NDUFAF6: variants seen among roughly 807,000 people sequenced by gnomAD.
NDUFAF6 encodes the protein NADH:ubiquinone oxidoreductase complex assembly factor 6, also known as NADH dehydrogenase (ubiquinone) complex I, assembly factor 6.
Under a neutral mutation model 40.8 loss-of-function variants are expected in NDUFAF6, and 45 were observed. The observed-to-expected ratio is 1.10, with a 90% CI of 0.87 to 1.42. The LOEUF is 1.42. Among genes scored for constraint, NDUFAF6 ranks in the 40% most tolerant of loss-of-function variants. The pLI is 0.00. For synonymous variants in NDUFAF6, 185 were observed against 155.9 expected, an observed-to-expected ratio of 1.19 and a Z score of -1.39; for missense variants, 435 against 418.5, an observed-to-expected ratio of 1.04 and a Z score of -0.34.
intron 1 of NDUFAF6, among the ~76,000 whole-genome samples, chr8:94,932,732 G>A (rs1408691459): frequency 6.6e-6 from 1 of 152,204 alleles, no homozygotes; most frequent in Non-Finnish European, 1.5e-5. Flanking sequence ...GAACCCAGGA[G>A]GCGGAGCTTG....
At chr8:94,940,298 C>G in intron 1 of NDUFAF6, 1 of 1,480,426 alleles carries the variant, frequency 6.8e-7, no homozygotes, top group South Asian at 1.4e-5. Context: ...ATTGGGCAGT[C>G]ATTATAAAGT....
At chr8:94,996,802 T>C (rs1406320188) in intron 2 of NDUFAF6, among the ~76,000 whole-genome samples, 1 of 152,104 alleles carries the variant, frequency 6.6e-6, no homozygotes, top group East Asian at 1.9e-4. Context: ...CTGCTGTCAT[T>C]CTAAGAAGAG....
intron 4 of NDUFAF6, among the ~76,000 whole-genome samples, chr8:95,109,939 A>G (rs1030523514): frequency 2.6e-5 from 4 of 152,232 alleles, no homozygotes; most frequent in African/African-American, 9.6e-5. Context: ...TGTTCTTATA[A>G]GTATTCTTCT....
intron 1 of NDUFAF6, among the ~76,000 whole-genome samples, chr8:94,912,911 G>T (rs1320405712): frequency 1.3e-5 from 2 of 152,182 alleles, no homozygotes; most frequent in Non-Finnish European, 2.9e-5. Flanking sequence ...CCTGGGAGGG[G>T]GAGGTTGCAG....
chr8:94,926,086 A>G (rs966289433), intron 1 of NDUFAF6: 2 of 152,644 alleles, frequency 1.3e-5, no homozygotes, highest in African/African-American at 4.8e-5. Context: ...TGTTTAAACA[A>G]TGCTACACTC....
At chr8:95,088,730 T>G (rs1172577020) in intron 2 of NDUFAF6, among the ~76,000 whole-genome samples, 5,614 of 57,068 alleles carry the variant, frequency 0.098, 291 homozygotes, top group African/African-American at 0.28. Context: ...TGTGTGTGTT[T>G]TCTTTTTGTT....
intron 1 of NDUFAF6, among the ~76,000 whole-genome samples, chr8:94,912,260 A>G (rs1818831046): frequency 4.6e-5 from 7 of 152,254 alleles, no homozygotes. Flanking sequence ...ATGATTTCCT[A>G]CAAGTGCATT....
intron 4 of NDUFAF6, 32 bp from the exon 5 acceptor site, chr8:95,045,513 A>G: frequency 6.6e-7 from 1 of 1,507,258 alleles, no homozygotes; most frequent in Non-Finnish European, 9.2e-7. Context: ...TTGACAGTTC[A>G]ACAGACTTTA....
rs34960210 is a variant in NDUFAF6 at position 95,035,578 on chromosome 8, T to TAA, written c.420+14_420+15dup. 0.017 allele frequency: 23,801 copies of TAA among 1,417,628 alleles called. 121 individuals are homozygous for TAA. The highest frequency in any genetic ancestry group is 0.067 in the African/African-American group (4,723 of 70,132). The allele number at this position is 1,417,628 out of a possible 1,614,324, so 87.8% of individuals were successfully genotyped here. On this transcript the variant is annotated splice_region_variant and intron_variant, in intron 3 of 8. Transcript: ENST00000396124. ...CCTGTGGCCATTGAACTATGGAAGG[T>TAA]AAAAAAAAAAAAATACCACTTTTAA...
intron 1 of NDUFAF6, among the ~76,000 whole-genome samples, chr8:95,029,073 A>T (rs1317659271): frequency 6.6e-6 from 1 of 152,188 alleles, no homozygotes; most frequent in African/African-American, 2.4e-5. Context: ...GAAGCAGTTT[A>T]AGTTCTCTGT....
At chr8:94,976,831 T>C (rs1320731394) in intron 1 of NDUFAF6, among the ~76,000 whole-genome samples, 1 of 152,096 alleles carries the variant, frequency 6.6e-6, no homozygotes, top group Non-Finnish European at 1.5e-5. Flanking sequence ...GCGAATGTAC[T>C]TAATATTACT....
Position 95,005,554 on chromosome 8 carries a change from A to ATATATATATATATATATATATGTATAT in NDUFAF6, c.-84+24581_-84+24582insTATATATATATATATATATATGTATAT, listed in dbSNP as rs1554657858. 6.1e-5 allele frequency among the ~76,000 whole-genome samples: 7 copies of ATATATATATATATATATATATGTATAT among 115,336 alleles called. 1 individual carries two copies. Among genetic ancestry groups the ATATATATATATATATATATATGTATAT allele is most frequent in the African/African-American group, 2.6e-4 (7 of 26,774 alleles). The allele number at this position is 115,336 out of a possible 152,430, so 75.7% of individuals were successfully genotyped here. On this transcript the variant is annotated intron_variant, in intron 2 of 9. Coordinates refer to the NDUFAF6 transcript ENST00000396111. Reference sequence around the variant, plus strand: ...ATATATATATATATATATATATATAAAAAATATATTAACATAAATAATATA... The same window carrying ATATATATATATATATATATATGTATAT: ...ATATATATATATATATATATATATAATATATATATATATATATATATGTATATAAAATATATTAACATAAATAATATA...
rs966347804 is a variant in NDUFAF6, at chr8:94,941,264, A to G, written c.-935-4219A>G. Among the ~76,000 whole-genome samples the G allele has an allele frequency of 2.0e-5, 3 of 152,212 alleles. No homozygotes were observed. The East Asian group carries it at 5.8e-4, about 29-fold the overall frequency. ...AGAAATGCAACATAATGTTTTGTAA[A>G]TACTCTTACTCAAATTCAACCTATA... On this transcript the variant is annotated intron_variant, in intron 1 of 14. Coordinates refer to the NDUFAF6 transcript ENST00000396113.
downstream of NDUFAF6, among the ~76,000 whole-genome samples, chr8:95,062,505 T>C (rs1342427361): frequency 6.6e-6 from 1 of 152,196 alleles, no homozygotes; most frequent in Non-Finnish European, 1.5e-5. Flanking sequence ...TTAGACAGGA[T>C]GTGTCCTCTC....
chr8:94,946,696 C>CAAAAAAAAAAAAAAAAAAAAAAAATAAAA (rs71273438), intron 2 of NDUFAF6, among the ~76,000 whole-genome samples: 1 of 34,688 alleles, frequency 2.9e-5, no homozygotes, highest in Non-Finnish European at 5.3e-5. Context: ...GACCCTGTCT[C>CAAAAAAAAAAAAAAAAAAAAAAAATAAAA]AAAAAAAAAA....
chr8:95,092,625 C>T (rs1213909015), intron 2 of NDUFAF6, among the ~76,000 whole-genome samples: 1 of 137,678 alleles, frequency 7.3e-6, no homozygotes, highest in African/African-American at 2.8e-5. Flanking sequence ...CGCTCTGTCG[C>T]CCAGGCTGGA....
chr8:95,113,640 A>G (rs1393262544), intron 4 of NDUFAF6, among the ~76,000 whole-genome samples: 1 of 152,220 alleles, frequency 6.6e-6, no homozygotes, highest in Admixed American at 6.5e-5. Flanking sequence ...TAGCCAGGAA[A>G]GGAAATAAGT....
At chr8:94,901,399 A>C (rs1818007606) in intron 1 of NDUFAF6, among the ~76,000 whole-genome samples, 1 of 151,762 alleles carries the variant, frequency 6.6e-6, no homozygotes, top group Non-Finnish European at 1.5e-5. Context: ...AGATTGGGAG[A>C]AGCACACTCA....
In NDUFAF6 at chr8:94,972,205, A is replaced by C. The variant is rs913187165; in HGVS notation, c.-198-8654A>C. ...TAACTGTTTTGGTCCATGGAGTAGC[A>C]AGGCAGATTTAGAGAGCAAAGAATA... is the stretch of plus-strand genomic sequence containing the variant. On this transcript the variant is annotated intron_variant, in intron 1 of 9. Coordinates refer to the NDUFAF6 transcript ENST00000396111. Among the ~76,000 whole-genome samples the C allele has an allele frequency of 5.3e-5, 8 of 152,302 alleles. No homozygotes were observed. The East Asian group carries it at 1.5e-3, about 29-fold the overall frequency.
Sources: gnomAD v4.1 joint callset for allele counts (sites outside exome capture counted in the v4.1 genomes callset) on GRCh38, gnomAD v4.1.1 for gene constraint, MANE v1.5 for transcripts, NCBI Gene and HGNC (gene_info 2026-07-23, HGNC 2026-07-21) for gene names.